Variants in PCGF5 observed in about 807,000 individuals in gnomAD.
The protein encoded by PCGF5 is polycomb group ring finger 5.
PCGF5 carries 9 observed loss-of-function variants against 44.3 expected under a neutral mutation model. That is an observed-to-expected ratio of 0.20 (90% CI 0.12 to 0.35). PCGF5 has a LOEUF of 0.35. Among genes scored for constraint, PCGF5 ranks in the 10% least tolerant of loss-of-function variants. PCGF5 has a pLI of 1.00. For synonymous variants in PCGF5, 95 were observed against 102.5 expected (o/e 0.93, Z 0.44); for missense variants, 146 against 305.3 (o/e 0.48, Z 3.89).
chr10:91,200,671 C>G (rs1844235460), intron 1 of PCGF5, among the ~76,000 whole-genome samples: 1 of 151,990 alleles, frequency 6.6e-6, no homozygotes, highest in African/African-American at 2.4e-5. Flanking sequence ...GGCTGAGAGG[C>G]AGGATTGTGT....
intron 1 of PCGF5, among the ~76,000 whole-genome samples, chr10:91,168,713 G>A (rs140181079): frequency 6.6e-6 from 1 of 152,016 alleles, no homozygotes; most frequent in South Asian, 2.1e-4. Flanking sequence ...CAGATCATGA[G>A]GTCAAGAGTT....
rs200474008 is a variant in PCGF5, at chr10:91,239,505, TGAG to T, written c.113-975_113-973del. Among the ~76,000 whole-genome samples, 774 of 151,574 alleles carry T rather than the reference TGAG, an allele frequency of 5.1e-3. 6 individuals carry two copies. Among genetic ancestry groups the T allele is most frequent in the African/African-American group, 0.016 (674 of 41,282 alleles). ...GTAAACTTTTAGATAGTGTTGATCT[TGAG>T]GAGAAAGAAGTAGCTTGAAATGCAG... On this transcript the variant is annotated intron_variant, in intron 2 of 9. Transcript: ENST00000336126.
intron 1 of PCGF5, among the ~76,000 whole-genome samples, chr10:91,191,209 G>T (rs1476309669): frequency 1.3e-5 from 2 of 152,144 alleles, no homozygotes; most frequent in Non-Finnish European, 2.9e-5. Flanking sequence ...AATAGAACTG[G>T]TATAACAATA....
At chr10:91,163,383 C>A (rs1217839660) in intron 1 of PCGF5, among the ~76,000 whole-genome samples, 2 of 151,824 alleles carry the variant, frequency 1.3e-5, no homozygotes, top group African/African-American at 4.8e-5. Flanking sequence ...CAGAGGGGCG[C>A]CTTCCAGTCC....
chr10:91,177,006 T>A (rs930338788), intron 1 of PCGF5, among the ~76,000 whole-genome samples: 3 of 152,272 alleles, frequency 2.0e-5, no homozygotes, highest in African/African-American at 7.2e-5. Context: ...TTTCAGTTTT[T>A]CTGCTCTGTT....
At chr10:91,236,877 A>G (rs1434841465) in intron 2 of PCGF5, among the ~76,000 whole-genome samples, 3 of 152,222 alleles carry the variant, frequency 2.0e-5, no homozygotes, top group African/African-American at 7.2e-5. Context: ...AAAGGAACAA[A>G]TAAGCTACTG....
intron 1 of PCGF5, among the ~76,000 whole-genome samples, chr10:91,192,030 A>G (rs1844042588): frequency 6.6e-6 from 1 of 152,008 alleles, no homozygotes; most frequent in African/African-American, 2.4e-5. Flanking sequence ...TAAAGTTTGG[A>G]TTTTATTTCT....
At chr10:91,186,897 ATGAG>A (rs1461579568) in intron 1 of PCGF5, among the ~76,000 whole-genome samples, 1 of 152,204 alleles carries the variant, frequency 6.6e-6, no homozygotes, top group African/African-American at 2.4e-5. Flanking sequence ...GCTTCATCTT[ATGAG>A]TGTCATTTAG....
At chr10:91,240,101 A>G (rs923618303) in intron 2 of PCGF5, among the ~76,000 whole-genome samples, 2 of 152,214 alleles carry the variant, frequency 1.3e-5, no homozygotes, top group Non-Finnish European at 2.9e-5. Flanking sequence ...TTGCATTTAA[A>G]TAAATGTTTA....
In PCGF5 at chr10:91,184,426, C is replaced by T. The variant is rs537000319; in HGVS notation, c.-184+21345C>T. Among the ~76,000 whole-genome samples the T allele has an allele frequency of 3.9e-5, 6 of 152,280 alleles. No homozygotes were observed. In the South Asian group the frequency reaches 1.2e-3, roughly 32 times the overall value. ...TCTGTCAGGTTGGTTACAGTACTCT[C>T]TACTGGCTGTTTTGTCTGTCAGCTC... is the stretch of plus-strand genomic sequence containing the variant. On this transcript the variant is annotated intron_variant, in intron 1 of 9. Coordinates refer to the PCGF5 transcript ENST00000614189.
intron 2 of PCGF5, among the ~76,000 whole-genome samples, chr10:91,232,771 A>G (rs533831445): frequency 6.8e-6 from 1 of 147,024 alleles, no homozygotes; most frequent in African/African-American, 2.7e-5. Flanking sequence ...TTTCAGTAAA[A>G]TAGAGGTCCT....
intron 1 of PCGF5, among the ~76,000 whole-genome samples, chr10:91,170,602 G>A (rs967113063): frequency 3.3e-5 from 5 of 152,148 alleles, no homozygotes; most frequent in Admixed American, 3.3e-4. Flanking sequence ...TCAGAACACT[G>A]ACAACAGCAA....
At chr10:91,206,211 C>T (rs549529899) in intron 1 of PCGF5, among the ~76,000 whole-genome samples, 6 of 152,074 alleles carry the variant, frequency 3.9e-5, no homozygotes, top group African/African-American at 1.4e-4. Flanking sequence ...GTAGCTCCTG[C>T]CGTCAAGGAG....
chr10:91,207,930 TTAGG>T (rs931018090), intron 1 of PCGF5, among the ~76,000 whole-genome samples: 4 of 152,336 alleles, frequency 2.6e-5, no homozygotes, highest in African/African-American at 9.6e-5. Context: ...CAATCACTGT[TTAGG>T]TAGCATCCAA....
intron 6 of PCGF5, among the ~76,000 whole-genome samples, chr10:91,252,053 T>A (rs996421025): frequency 1.3e-5 from 2 of 152,016 alleles, no homozygotes; most frequent in African/African-American, 4.8e-5. Context: ...TTTAAAACAC[T>A]CTGCTTTTAT....
intron 2 of PCGF5, among the ~76,000 whole-genome samples, chr10:91,226,232 A>T (rs1017125419): frequency 6.9e-6 from 1 of 144,694 alleles, no homozygotes; most frequent in Non-Finnish European, 1.5e-5. Context: ...CAGACATAGA[A>T]CCTGCCCTTC....
rs919920476 is a variant in PCGF5, at chr10:91,280,570, A to G, written c.*2254A>G. The G allele has an allele frequency of 1.3e-5, 2 of 152,546 alleles. No individual in the cohort carries two copies. The highest frequency in any genetic ancestry group is 2.9e-5 in the Non-Finnish European group (2 of 67,914). 9.4% of individuals were successfully genotyped at this position (152,546 alleles called of 1,614,324 possible). On this transcript the variant is annotated 3_prime_UTR_variant, in exon 10 of 10. Coordinates refer to ENST00000336126, the MANE Select transcript of PCGF5 (RefSeq NM_032373.5). Reference sequence around the variant, plus strand: ...GTGCCAAAACACGTGAAAAGCTTACATAAAGAAAGGCATCAGTTGTCGTTT... The same window carrying G: ...GTGCCAAAACACGTGAAAAGCTTACGTAAAGAAAGGCATCAGTTGTCGTTT...
At chr10:91,197,555 T>A (rs950355092) in intron 1 of PCGF5, among the ~76,000 whole-genome samples, 2 of 152,118 alleles carry the variant, frequency 1.3e-5, no homozygotes, top group African/African-American at 4.8e-5. Context: ...AGTGAAGCAA[T>A]GGGGACTCAC....
chr10:91,256,954 G>A (rs775091666), intron 6 of PCGF5, among the ~76,000 whole-genome samples: 2 of 151,988 alleles, frequency 1.3e-5, no homozygotes, highest in South Asian at 2.1e-4. Context: ...AAAAGAAATA[G>A]ATAAATTGTA....
Sources: allele counts gnomAD v4.1 joint callset (sites outside exome capture counted in the v4.1 genomes callset), GRCh38; gene constraint gnomAD v4.1.1; transcripts MANE v1.5; gene names NCBI Gene and HGNC (gene_info 2026-07-23, HGNC 2026-07-21).